The following RALGPS2 variants were observed in gnomAD, a reference collection of about 807,000 sequenced individuals.
RALGPS2 encodes the protein ras-specific guanine nucleotide-releasing factor RalGPS2.
In RALGPS2, 43 loss-of-function variants were observed where a neutral mutation model predicts 86.8. The ratio of observed to expected loss-of-function variants is 0.50; its 90% CI spans 0.39 to 0.64. The LOEUF is 0.64. Ranked by LOEUF, RALGPS2 falls within the 30% of genes least tolerant of loss-of-function variation. The probability of loss-of-function intolerance (pLI) is 0.00; values close to 1 mark genes in which losing one functional copy is unlikely to be tolerated. For synonymous variants in RALGPS2, 243 were observed against 231.3 expected, an observed-to-expected ratio of 1.05 and a Z score of -0.46; for missense variants, 536 against 694.6, an observed-to-expected ratio of 0.77 and a Z score of 2.57.
intron 7 of RALGPS2, among the ~76,000 whole-genome samples, chr1:178,833,150 A>C (rs1332724713): frequency 6.6e-6 from 1 of 152,058 alleles, no homozygotes; most frequent in African/African-American, 2.4e-5. Context: ...GATTAATAAA[A>C]ATTGATTAAT....
At chr1:178,746,329 T>G (rs1651328293) in intron 1 of RALGPS2, among the ~76,000 whole-genome samples, 1 of 152,240 alleles carries the variant, frequency 6.6e-6, no homozygotes, top group Non-Finnish European at 1.5e-5. Context: ...TGTTTAGTCC[T>G]TATATATATT....
At chr1:178,838,236 T>A (rs1255301676) in intron 8 of RALGPS2, among the ~76,000 whole-genome samples, 3 of 152,150 alleles carry the variant, frequency 2.0e-5, no homozygotes, top group African/African-American at 7.2e-5. Flanking sequence ...CTCAAGTGGG[T>A]CCCTGACCCC....
chr1:178,844,045 C>T (rs575326206), intron 8 of RALGPS2, among the ~76,000 whole-genome samples: 67 of 152,216 alleles, frequency 4.4e-4, no homozygotes, highest in Non-Finnish European at 7.4e-4. Flanking sequence ...AGGCTTAGTA[C>T]AGTTGACAAA....
At chr1:178,852,936 A>G in intron 8 of RALGPS2, 2 of 1,611,564 alleles carry the variant, frequency 1.2e-6, no homozygotes, top group Non-Finnish European at 1.7e-6. Context: ...ATTCTCCGTC[A>G]ATGTTTCCAA....
chr1:178,794,283 A>G (rs1411790181), intron 4 of RALGPS2, among the ~76,000 whole-genome samples: 1 of 151,944 alleles, frequency 6.6e-6, no homozygotes, highest in African/African-American at 2.4e-5. Context: ...CACCCAGCTA[A>G]TTTTTGTATT....
At chr1:178,821,292 TTACTAG>T (rs1445951794) in intron 6 of RALGPS2, among the ~76,000 whole-genome samples, 1 of 152,182 alleles carries the variant, frequency 6.6e-6, no homozygotes, top group East Asian at 1.9e-4. Context: ...GGGAGACTGT[TTACTAG>T]AAACCAGCTT....
At chr1:178,886,205 C>G in intron 13 of RALGPS2, 85 bp downstream of exon 13, 1 of 1,383,230 alleles carries the variant, frequency 7.2e-7, no homozygotes, top group South Asian at 1.3e-5. Context: ...ACCCCACCCA[C>G]ACACAGAGAA....
rs2102430706 is a variant in RALGPS2, at chr1:178,918,334, G to C, written c.*1975G>C. 1 of 152,230 alleles carries C rather than the reference G, an allele frequency of 6.6e-6. No homozygotes were observed. 9.4% of individuals were successfully genotyped at this position (152,230 alleles called of 1,614,324 possible). A position where few individuals can be genotyped will look rare whatever the true frequency, so the allele number is the denominator to read the frequency against. ...ATTTGTTTATTTCTCTTCAGAAATA[G>C]CGTTTTTAACAGTGTATGTGCTTTT... On this transcript the variant is annotated 3_prime_UTR_variant, in exon 20 of 20. Coordinates refer to ENST00000367635, the MANE Select transcript of RALGPS2 (RefSeq NM_152663.5).
chr1:178,730,945 A>G (rs1225745834), intron 1 of RALGPS2, among the ~76,000 whole-genome samples: 2 of 151,932 alleles, frequency 1.3e-5, no homozygotes, highest in Non-Finnish European at 2.9e-5. Context: ...TGATTCGCCC[A>G]CCTCAGGCTC....
At chr1:178,800,699 T>C (rs964771721) in intron 4 of RALGPS2, among the ~76,000 whole-genome samples, 1 of 152,122 alleles carries the variant, frequency 6.6e-6, no homozygotes, top group Non-Finnish European at 1.5e-5. Flanking sequence ...TGTGCATAAT[T>C]TTAAAAGTTA....
At chr1:178,886,629 T>A (rs1052353405) in intron 13 of RALGPS2, among the ~76,000 whole-genome samples, 1 of 152,096 alleles carries the variant, frequency 6.6e-6, no homozygotes, top group East Asian at 1.9e-4. Context: ...TCTGAAGATA[T>A]ACGAGAGGTA....
chr1:178,817,453 G>T (rs75025965), intron 6 of RALGPS2, among the ~76,000 whole-genome samples: 4,981 of 150,678 alleles, frequency 0.033, 146 homozygotes, highest in East Asian at 0.092. Flanking sequence ...GATCAAATAC[G>T]TGTAGGTATA....
chr1:178,917,166 C>G lies in RALGPS2; in HGVS notation c.*807C>G, dbSNP rs926552650. 6.6e-6 allele frequency: 1 copy of G among 152,024 alleles called. No individual in the cohort carries two copies. Among genetic ancestry groups the G allele is most frequent in the Admixed American group, 6.6e-5 (1 of 15,264 alleles). The allele number at this position is 152,024 out of a possible 1,614,324, so 9.4% of individuals were successfully genotyped here. ...CTAACTAGGGTTAAAGTTTAGCTTT[C>G]TATATGAATTCATTGTTGGACCACA... is the stretch of plus-strand genomic sequence containing the variant. On this transcript the variant is annotated 3_prime_UTR_variant, in exon 20 of 20. Coordinates refer to ENST00000367635, the MANE Select transcript of RALGPS2 (RefSeq NM_152663.5).
At chr1:178,799,704 G>A (rs371351603) in intron 4 of RALGPS2, among the ~76,000 whole-genome samples, 11 of 152,096 alleles carry the variant, frequency 7.2e-5, no homozygotes, top group Non-Finnish European at 1.5e-4. Context: ...TGAGCAATGC[G>A]CCTGGCCACC....
chr1:178,837,483 C>T (rs1479962146), intron 8 of RALGPS2, among the ~76,000 whole-genome samples: 1 of 152,160 alleles, frequency 6.6e-6, no homozygotes, highest in Non-Finnish European at 1.5e-5. Flanking sequence ...TCCTCTGCTT[C>T]TCATATTCTC....
chr1:178,897,598 A>G lies in RALGPS2; in HGVS notation c.1432-66A>G, dbSNP rs575844753. Reference sequence around the variant, plus strand: ...GAAGTGGACTTGATCATTGGCACTTAGAATGTAAAGAAACTAAGAAGCCAG... The same window carrying G: ...GAAGTGGACTTGATCATTGGCACTTGGAATGTAAAGAAACTAAGAAGCCAG... On this transcript the variant is annotated intron_variant, in intron 16 of 19. Coordinates refer to ENST00000367635, the MANE Select transcript of RALGPS2 (RefSeq NM_152663.5). 3.1e-5 allele frequency: 41 copies of G among 1,310,742 alleles called. No individual in the cohort carries two copies. The South Asian group carries it at 4.4e-4, about 14-fold the overall frequency. The allele number at this position is 1,310,742 out of a possible 1,614,324, so 81.2% of individuals were successfully genotyped here. A position where few individuals can be genotyped will look rare whatever the true frequency, so the allele number is the denominator to read the frequency against.
chr1:178,875,942 CTTCATTTGGAACCTCAAGA>C lies in RALGPS2; in HGVS notation c.608-1545_608-1527del, dbSNP rs1465430057. On this transcript the variant is annotated intron_variant, in intron 8 of 19. Transcript: ENST00000367635. Reference sequence around the variant, plus strand: ...TTGGGGAAAGTGGGAAGAACCTCAGCTTCATTTGGAACCTCAAGATTCATTTGGAGTCATAGGGAAATAA... The same window carrying C: ...TTGGGGAAAGTGGGAAGAACCTCAGCTTCATTTGGAGTCATAGGGAAATAA... Among the ~76,000 whole-genome samples, 3 of 151,928 alleles carry C rather than the reference CTTCATTTGGAACCTCAAGA, an allele frequency of 2.0e-5. No individual in the cohort carries two copies. The East Asian group carries it at 5.8e-4, about 29-fold the overall frequency.
chr1:178,784,415 C>T lies in RALGPS2; in HGVS notation c.58-3C>T, dbSNP rs1229353124. ...AAGGCTGCATTTTCTTTCACTTTAA[C>T]AGAAAAGTAGCAGCTCTGAATCCTT... On this transcript the variant is annotated splice_region_variant and splice_polypyrimidine_tract_variant and intron_variant, in intron 2 of 19. Coordinates refer to ENST00000367635, the MANE Select transcript of RALGPS2 (RefSeq NM_152663.5). The T allele has an allele frequency of 6.3e-7, 1 of 1,591,998 alleles. No individual in the cohort carries two copies. Among genetic ancestry groups the T allele is most frequent in the Non-Finnish European group, 8.6e-7 (1 of 1,165,916 alleles).
intron 18 of RALGPS2, among the ~76,000 whole-genome samples, chr1:178,902,420 T>C (rs1192573739): frequency 6.6e-6 from 1 of 152,108 alleles, no homozygotes; most frequent in Non-Finnish European, 1.5e-5. Context: ...TGTCCCATTA[T>C]GTATTTTAAT....
Sources: gnomAD v4.1 joint callset for allele counts (sites outside exome capture counted in the v4.1 genomes callset) on GRCh38, gnomAD v4.1.1 for gene constraint, MANE v1.5 for transcripts, NCBI Gene and HGNC (gene_info 2026-07-23, HGNC 2026-07-21) for gene names.